ZNF444: variants seen among roughly 807,000 people sequenced by gnomAD.
ZNF444 encodes zinc finger protein 444.
ZNF444 carries 8 observed loss-of-function variants against 14.4 expected under a neutral mutation model. The observed-to-expected ratio is 0.56, with a 90% CI of 0.33 to 1.00. The LOEUF is 1.00. Ranked by LOEUF, ZNF444 falls within the 50% of genes least tolerant of loss-of-function variation. ZNF444 has a pLI of 0.03. For synonymous variants in ZNF444, 258 were observed against 235.9 expected (o/e 1.09, Z -0.86); for missense variants, 510 against 504.8 (o/e 1.01, Z -0.10).
chr19:56,135,026 T>C (rs1213914570), intron 1 of ZNF444, among the ~76,000 whole-genome samples: 1 of 151,630 alleles, frequency 6.6e-6, no homozygotes, highest in Non-Finnish European at 1.5e-5. Context: ...GGTCAGGAGA[T>C]CGAGACCATC....
At chr19:56,158,305 G>C (rs1887906538) in intron 3 of ZNF444, 189 bp from the exon 4 acceptor site, 1 of 515,734 alleles carries the variant, frequency 1.9e-6, no homozygotes, top group South Asian at 3.0e-5. Context: ...TCCCTGGCAG[G>C]GGGTTGGCAG....
upstream of ZNF444, among the ~76,000 whole-genome samples, chr19:56,139,992 T>C (rs1403072058): frequency 6.6e-6 from 1 of 152,180 alleles, no homozygotes; most frequent in African/African-American, 2.4e-5. Context: ...CTGGAACTCA[T>C]TAAACACGAG....
upstream of ZNF444, among the ~76,000 whole-genome samples, chr19:56,138,584 G>C (rs193079360): frequency 2.3e-3 from 356 of 152,280 alleles, 3 homozygotes; most frequent in Admixed American, 0.013. Context: ...AGTGAGCCAA[G>C]ACTGAGCCAC....
rs866116380 is a variant in ZNF444, at chr19:56,144,288, G to A, written c.-196-1959G>A. On this transcript the variant is annotated intron_variant, in intron 1 of 4. Coordinates refer to ENST00000337080, the MANE Select transcript of ZNF444 (RefSeq NM_018337.4). This position sits in a 1 kb window ranked among gnomAD's most constrained non-coding sequence, Gnocchi z 4.0. ...GTCATGCCACCGCTCCAGCCTGGGCGACAGAGAGAGACCCTGTCTTAAAAA... is the reference window on the plus strand; with the variant it reads ...GTCATGCCACCGCTCCAGCCTGGGCAACAGAGAGAGACCCTGTCTTAAAAA... Among the ~76,000 whole-genome samples the A allele has an allele frequency of 2.6e-5, 4 of 151,914 alleles. No individual in the cohort carries two copies. Among genetic ancestry groups the A allele is most frequent in the South Asian group, 2.1e-4 (1 of 4,824 alleles).
chr19:56,151,932 T>C (rs2031605728), intron 3 of ZNF444: 1 of 456,852 alleles, frequency 2.2e-6, no homozygotes. Flanking sequence ...GGTCCTCGCC[T>C]GTCCTCAGAG....
intron 4 of ZNF444, 65 bp downstream of exon 4, chr19:56,158,667 C>T (rs894712922): frequency 1.3e-5 from 18 of 1,384,046 alleles, no homozygotes; most frequent in South Asian, 6.8e-5. Context: ...GTTCAGTGAA[C>T]GATCCTGGCA....
rs1423454465 is a variant in ZNF444, at chr19:56,145,076, G to A, written c.-196-1171G>A. ...CGTGAGCAAGTGGGCGTGGATGTGC[G>A]CCAGTGAGACTTAAGTAAAACAGGC... is the stretch of plus-strand genomic sequence containing the variant. On this transcript the variant is annotated intron_variant, in intron 1 of 4. Coordinates refer to ENST00000337080, the MANE Select transcript of ZNF444 (RefSeq NM_018337.4). The surrounding 1 kb of genome is among the most constrained non-coding windows in gnomAD (Gnocchi z 4.3). Among the ~76,000 whole-genome samples, 2 of 152,234 alleles carry A rather than the reference G, an allele frequency of 1.3e-5. No homozygotes were observed. The highest frequency in any genetic ancestry group is 2.9e-5 in the Non-Finnish European group (2 of 68,040).
Position 56,145,755 on chromosome 19 carries a change from A to G in ZNF444, c.-196-492A>G, listed in dbSNP as rs2031141798. On this transcript the variant is annotated intron_variant, in intron 1 of 4. Transcript: ENST00000337080. The surrounding 1 kb of genome is among the most constrained non-coding windows in gnomAD (Gnocchi z 4.3). Reference sequence around the variant, plus strand: ...AATTCCCAGCGGAAGGGACTGGGACAGGCCGTCATAGCTGTCATAGCGGAG... The same window carrying G: ...AATTCCCAGCGGAAGGGACTGGGACGGGCCGTCATAGCTGTCATAGCGGAG... Among the ~76,000 whole-genome samples the G allele has an allele frequency of 1.3e-5, 2 of 152,220 alleles. No individual in the cohort carries two copies. Among genetic ancestry groups the G allele is most frequent in the African/African-American group, 4.8e-5 (2 of 41,460 alleles).
At chr19:56,152,524 A>G (rs2031650257) in intron 3 of ZNF444, among the ~76,000 whole-genome samples, 1 of 150,378 alleles carries the variant, frequency 6.6e-6, no homozygotes, top group Non-Finnish European at 1.5e-5. Flanking sequence ...ACGTCTCTGA[A>G]TAGGTTTCTG....
intron 1 of ZNF444, among the ~76,000 whole-genome samples, chr19:56,142,042 T>G (rs1056759158): frequency 7.2e-5 from 11 of 152,170 alleles, no homozygotes; most frequent in Non-Finnish European, 1.2e-4. Context: ...TATTGTCAAA[T>G]GAAGTTGACC....
At chr19:56,135,032 C>A (rs1244010168) in intron 1 of ZNF444, among the ~76,000 whole-genome samples, 1 of 151,964 alleles carries the variant, frequency 6.6e-6, no homozygotes, top group Non-Finnish European at 1.5e-5. Context: ...GAGATCGAGA[C>A]CATCCTGGCT....
chr19:56,139,286 T>A (rs1360124304), upstream of ZNF444, among the ~76,000 whole-genome samples: 1 of 152,128 alleles, frequency 6.6e-6, no homozygotes, highest in Non-Finnish European at 1.5e-5. Flanking sequence ...CCATGGGGAC[T>A]TAAACCAGGT....
rs1185337325 is a variant in ZNF444, at chr19:56,160,484, TC to T, written c.*289del. ...GGGCCTCTCCCTAATGTCTCCTCCT[TC>T]CCCCCTCTTCTCTCTCCTGCGGCCC... On this transcript the variant is annotated 3_prime_UTR_variant, in exon 5 of 5. Transcript: ENST00000337080. The T allele has an allele frequency of 5.5e-6, 2 of 363,138 alleles. No homozygotes were observed. Among genetic ancestry groups the T allele is most frequent in the South Asian group, 6.1e-5 (1 of 16,334 alleles). 22.5% of individuals were successfully genotyped at this position (363,138 alleles called of 1,614,324 possible).
At chr19:56,133,939 C>T (rs1209421678) in intron 1 of ZNF444, among the ~76,000 whole-genome samples, 1 of 152,096 alleles carries the variant, frequency 6.6e-6, no homozygotes, top group Non-Finnish European at 1.5e-5. Flanking sequence ...TTTCATTATC[C>T]TTTCTCAAAC....
At chr19:56,146,599 G>A (rs1332694344) in intron 2 of ZNF444, among the ~76,000 whole-genome samples, 179 bp downstream of exon 2, 1 of 152,168 alleles carries the variant, frequency 6.6e-6, no homozygotes, top group Non-Finnish European at 1.5e-5. Flanking sequence ...AGATCAGCCT[G>A]GCCAACATGG....
chr19:56,136,036 C>G (rs1030406519), intron 1 of ZNF444, among the ~76,000 whole-genome samples: 1 of 144,924 alleles, frequency 6.9e-6, no homozygotes. Flanking sequence ...GAGCCAAGAT[C>G]TCACCACTGC....
At chr19:56,136,770 G>A (rs548877434), upstream of ZNF444, among the ~76,000 whole-genome samples, 26 of 151,384 alleles carry the variant, frequency 1.7e-4, no homozygotes, top group South Asian at 5.0e-3. Flanking sequence ...GGCAGAGACC[G>A]AGAATCTGCA....
chr19:56,159,910 C>T lies in ZNF444; in HGVS notation c.693C>T (p.Gly231=). ...HLRRHRDTHP[G]SPGSPGPALR... is the part of the protein sequence containing the mutation. The stretch of plus-strand genomic sequence containing the variant: ...GGCGCCACCGCGACACGCACCCCGG[C>T]AGCCCCGGCAGCCCCGGGCCCGCGC... Residue 231 remains glycine (G), a synonymous_variant, in exon 5 of 5, where the codon GGC becomes GGT. Coordinates refer to ENST00000337080, the MANE Select transcript of ZNF444 (RefSeq NM_018337.4). The T allele has an allele frequency of 7.3e-7, 1 of 1,376,062 alleles. No homozygotes were observed. 85.2% of individuals were successfully genotyped at this position (1,376,062 alleles called of 1,614,324 possible).
intron 1 of ZNF444, among the ~76,000 whole-genome samples, chr19:56,133,571 G>A (rs536774073): frequency 5.9e-5 from 9 of 151,408 alleles, no homozygotes; most frequent in Admixed American, 4.6e-4. Flanking sequence ...CCAGCACTTC[G>A]GGAGGCCGAG....
Sources: allele counts gnomAD v4.1 joint callset (sites outside exome capture counted in the v4.1 genomes callset), GRCh38; gene constraint gnomAD v4.1.1; non-coding constraint Gnocchi (gnomAD v3.1); transcripts MANE v1.5; gene names NCBI Gene and HGNC (gene_info 2026-07-23, HGNC 2026-07-21).